Variants in CAST observed in about 807,000 individuals in gnomAD.
CAST encodes calpastatin, also known as MIR583 host.
In CAST, 76 loss-of-function variants were observed where a neutral mutation model predicts 119.6. That is an observed-to-expected ratio of 0.64 (90% CI 0.53 to 0.77). The LOEUF is 0.77. Among genes scored for constraint, CAST ranks in the 30% least tolerant of loss-of-function variants. CAST has a pLI of 0.00. For synonymous variants in CAST, 319 were observed against 331.6 expected, an observed-to-expected ratio of 0.96 and a Z score of 0.41; for missense variants, 953 against 946.5, an observed-to-expected ratio of 1.01 and a Z score of -0.09.
At chr5:96,534,648 G>A (rs1262570451) in intron 1 of CAST, among the ~76,000 whole-genome samples, 19 of 144,786 alleles carry the variant, frequency 1.3e-4, no homozygotes, top group African/African-American at 4.9e-4. Context: ...CAGCCTGGGC[G>A]GCAAAGTGAG....
At chr5:96,766,926 T>G (rs770912888) in intron 27 of CAST, among the ~76,000 whole-genome samples, 1 of 152,204 alleles carries the variant, frequency 6.6e-6, no homozygotes, top group Non-Finnish European at 1.5e-5. Context: ...CCAATTCTCC[T>G]TGCTTGCATT....
intron 1 of CAST, among the ~76,000 whole-genome samples, chr5:96,595,144 A>C (rs1359932601): frequency 6.6e-6 from 1 of 152,228 alleles, no homozygotes; most frequent in Non-Finnish European, 1.5e-5. Context: ...TGGGATAGCA[A>C]GTGCAGAGGA....
chr5:95,994,884 A>G, the CAST span, among the ~76,000 whole-genome samples: 3 of 152,206 alleles, frequency 2.0e-5, no homozygotes, highest in Non-Finnish European at 4.4e-5. Flanking sequence ...TTTAACAAGC[A>G]GAAAGGAGTA....
the CAST span, among the ~76,000 whole-genome samples, chr5:96,185,444 A>G: frequency 2.6e-5 from 4 of 152,152 alleles, no homozygotes; most frequent in Non-Finnish European, 4.4e-5. Context: ...CCTGAATGAT[A>G]TTGCCTAGAT....
At chr5:96,607,450 A>G (rs1367231892) in intron 1 of CAST, among the ~76,000 whole-genome samples, 1 of 152,246 alleles carries the variant, frequency 6.6e-6, no homozygotes, top group Non-Finnish European at 1.5e-5. Context: ...ATATTTAATA[A>G]AGGAGGGAAT....
At chr5:96,750,708 C>T in intron 20 of CAST, 26 bp downstream of exon 20, 1 of 1,479,384 alleles carries the variant, frequency 6.8e-7, no homozygotes. Flanking sequence ...GGCATTTGAG[C>T]AGTGGCTTGA....
At chr5:96,517,725 C>T in the CAST span, among the ~76,000 whole-genome samples, 1 of 152,168 alleles carries the variant, frequency 6.6e-6, no homozygotes, top group Admixed American at 6.6e-5. Flanking sequence ...GGTGGGTGTG[C>T]TCCATCAGCT....
At position 96,746,426 on chromosome 5, in the gene CAST, G is replaced by A; in HGVS notation, c.1284+1G>A. 1 of 1,585,446 alleles carries A rather than the reference G, an allele frequency of 6.3e-7. No homozygotes were observed. The highest frequency in any genetic ancestry group is 1.3e-5 in the African/African-American group (1 of 74,366). On this transcript the variant is annotated splice_donor_variant, in intron 17 of 31. Transcript: ENST00000675179. LOFTEE classifies it high-confidence loss of function. ...TGAGTACAGATTAAAACCAGCCACG[G>A]TAAATTTTTAGCCACAGTGCATGAC... is the stretch of plus-strand genomic sequence containing the variant.
rs548728832 is a variant in CAST at position 96,772,851 on chromosome 5, T to G, written c.*235T>G. ...GAGTATTGATAAACTTTGAATTTTTTTAATTGCCTTCAATTGGGAGAGAAA... is the reference window on the plus strand; with the variant it reads ...GAGTATTGATAAACTTTGAATTTTTGTAATTGCCTTCAATTGGGAGAGAAA... On this transcript the variant is annotated 3_prime_UTR_variant, in exon 32 of 32. Transcript: ENST00000675179. 1 of 153,308 alleles carries G rather than the reference T, an allele frequency of 6.5e-6. No homozygotes were observed. The highest frequency in any genetic ancestry group is 2.1e-4 in the South Asian group (1 of 4,834). The allele number at this position is 153,308 out of a possible 1,614,324, so 9.5% of individuals were successfully genotyped here.
At chr5:96,618,429 A>G (rs986816647) in intron 1 of CAST, among the ~76,000 whole-genome samples, 1 of 152,226 alleles carries the variant, frequency 6.6e-6, no homozygotes, top group Non-Finnish European at 1.5e-5. Context: ...GGAGCCCTTC[A>G]GCCTGCCACT....
At chr5:96,068,987 G>A in the CAST span, among the ~76,000 whole-genome samples, 5 of 150,114 alleles carry the variant, frequency 3.3e-5, no homozygotes, top group African/African-American at 7.3e-5. Context: ...GTGTATATAC[G>A]GATGTATATA....
the CAST span, among the ~76,000 whole-genome samples, chr5:96,109,131 C>G: frequency 6.6e-6 from 1 of 152,226 alleles, no homozygotes; most frequent in Non-Finnish European, 1.5e-5. Flanking sequence ...GTCTGGCACT[C>G]CCTATTGAGA....
chr5:96,653,377 A>C (rs1017128469), intron 1 of CAST, among the ~76,000 whole-genome samples: 1 of 152,244 alleles, frequency 6.6e-6, no homozygotes, highest in Non-Finnish European at 1.5e-5. Context: ...CTAGAAAAAC[A>C]GATGATTAAA....
chr5:96,145,468 A>G, the CAST span, among the ~76,000 whole-genome samples: 1 of 152,194 alleles, frequency 6.6e-6, no homozygotes, highest in African/African-American at 2.4e-5. Context: ...TCTATTTGAC[A>G]CCCATGGGAT....
chr5:96,663,937 T>TC (rs1197513875), intron 1 of CAST, among the ~76,000 whole-genome samples: 1 of 113,748 alleles, frequency 8.8e-6, no homozygotes, highest in Admixed American at 8.9e-5. Flanking sequence ...TAGATTGCTT[T>TC]CCAAAAAAAA....
At chr5:96,557,389 G>C (rs541213529) in intron 1 of CAST, among the ~76,000 whole-genome samples, 2 of 151,964 alleles carry the variant, frequency 1.3e-5, no homozygotes, top group East Asian at 1.9e-4. Flanking sequence ...TGGGCTAAAT[G>C]CTCCAATTAA....
chr5:96,631,677 C>A lies in CAST; in HGVS notation c.61-43862C>A, dbSNP rs534388209. On this transcript the variant is annotated intron_variant, in intron 1 of 11. Coordinates refer to the CAST transcript ENST00000505143. ...CTCCCCGAGTAGCTGGGACCACAGGCGCCCGCCACCACGCCCGGATAATTT... is the reference window on the plus strand; with the variant it reads ...CTCCCCGAGTAGCTGGGACCACAGGAGCCCGCCACCACGCCCGGATAATTT... Among the ~76,000 whole-genome samples the A allele has an allele frequency of 1.3e-5, 2 of 149,450 alleles. 1 individual carries two copies. Among genetic ancestry groups the A allele is most frequent in the African/African-American group, 4.9e-5 (2 of 40,798 alleles).
In CAST at chr5:96,561,796, G is replaced by GTTTTTTGTTT. The variant is rs1746370956; in HGVS notation, c.60+31922_60+31923insGTTTTTTTTT. ...GTGTATTATATATATGTTTTTTTTT[G>GTTTTTTGTTT]TTTTTTTTTTTTTTGAGACGGAGTC... On this transcript the variant is annotated intron_variant, in intron 1 of 11. Coordinates refer to the CAST transcript ENST00000505143. 3.8e-4 allele frequency among the ~76,000 whole-genome samples: 37 copies of GTTTTTTGTTT among 97,402 alleles called. 4 individuals carry two copies. The highest frequency in any genetic ancestry group is 2.2e-3 in the East Asian group (6 of 2,776). 63.9% of individuals were successfully genotyped at this position (97,402 alleles called of 152,430 possible).
chr5:96,578,177 C>T (rs970757909), intron 1 of CAST, among the ~76,000 whole-genome samples: 6 of 151,980 alleles, frequency 3.9e-5, no homozygotes, highest in African/African-American at 1.4e-4. Flanking sequence ...TATGTAATGT[C>T]TCTCTTTGTT....
Sources: allele counts gnomAD v4.1 joint callset (sites outside exome capture counted in the v4.1 genomes callset), GRCh38; gene constraint gnomAD v4.1.1; transcripts MANE v1.5; gene names NCBI Gene and HGNC (gene_info 2026-07-23, HGNC 2026-07-21).